Variants in ERBB4 observed in about 807,000 individuals in gnomAD.
ERBB4 encodes the protein erb-b2 receptor tyrosine kinase 4, also known as receptor tyrosine-protein kinase erbB-4.
In ERBB4, 42 loss-of-function variants were observed where a neutral mutation model predicts 158.0. That is an observed-to-expected ratio of 0.27 (90% CI 0.21 to 0.34). The LOEUF (loss-of-function observed/expected upper bound fraction) is 0.34, where lower values mean the gene tolerates loss of function less well. Ranked by LOEUF, ERBB4 falls within the 10% of genes least tolerant of loss-of-function variation. The pLI, the probability that ERBB4 is intolerant of heterozygous loss-of-function variation, is 1.00. For missense variants in ERBB4, 1,333 were observed against 1,624.1 expected (o/e 0.82, Z 3.08); for synonymous variants, 583 against 558.7 (o/e 1.04, Z -0.61).
chr2:211,660,503 CAAG>C (rs2071383164), intron 15 of ERBB4, among the ~76,000 whole-genome samples: 1 of 152,142 alleles, frequency 6.6e-6, no homozygotes, highest in South Asian at 2.1e-4. Flanking sequence ...TGAGAGAATC[CAAG>C]AAGATGAATA....
In ERBB4 at chr2:211,725,374, TATTTC is replaced by T. The variant is rs138017249; in HGVS notation, c.623-185_623-181del. Among the ~76,000 whole-genome samples, 766 of 152,290 alleles carry T rather than the reference TATTTC, an allele frequency of 5.0e-3. 1 individual carries two copies. Among genetic ancestry groups the T allele is most frequent in the African/African-American group, 0.017 (714 of 41,552 alleles). On this transcript the variant is annotated intron_variant, in intron 5 of 27. Coordinates refer to ENST00000342788, the MANE Select transcript of ERBB4 (RefSeq NM_005235.3). ...AAAATCTCCAAAATTAATTTATAAT[TATTTC>T]ATTTTTATATTCTTTCTTGTTTCAG...
chr2:211,501,676 A>G (rs557120978), intron 20 of ERBB4, among the ~76,000 whole-genome samples: 1 of 152,212 alleles, frequency 6.6e-6, no homozygotes, highest in Non-Finnish European at 1.5e-5. Flanking sequence ...CAAAATTACA[A>G]TGCATATAAC....
At chr2:212,079,075 A>G (rs901294111) in intron 2 of ERBB4, among the ~76,000 whole-genome samples, 1 of 150,910 alleles carries the variant, frequency 6.6e-6, no homozygotes, top group Non-Finnish European at 1.5e-5. Flanking sequence ...ATTATTGATA[A>G]TCCATTGTAT....
chr2:211,605,445 C>G (rs2068946193), intron 19 of ERBB4, among the ~76,000 whole-genome samples: 1 of 152,114 alleles, frequency 6.6e-6, no homozygotes, highest in South Asian at 2.1e-4. Flanking sequence ...CACTGTGCAT[C>G]TCATTGCAAC....
intron 3 of ERBB4, among the ~76,000 whole-genome samples, chr2:211,860,622 C>T (rs1295616574): frequency 1.3e-5 from 2 of 151,890 alleles, no homozygotes; most frequent in East Asian, 3.9e-4. Context: ...CTTGCTAGTA[C>T]AATTAAAGTT....
chr2:212,324,936 AT>A (rs2087755098), intron 1 of ERBB4, among the ~76,000 whole-genome samples: 1 of 150,498 alleles, frequency 6.6e-6, no homozygotes, highest in Non-Finnish European at 1.5e-5. Flanking sequence ...ACAAGTCACG[AT>A]TATACAGTTT....
intron 1 of ERBB4, among the ~76,000 whole-genome samples, chr2:212,446,476 T>G (rs919594041): frequency 3.4e-5 from 5 of 148,340 alleles, no homozygotes; most frequent in Admixed American, 6.8e-5. Context: ...GAACTCCACG[T>G]TCTTCAGTTT....
At chr2:212,516,287 T>C (rs1237916364) in intron 1 of ERBB4, among the ~76,000 whole-genome samples, 3 of 152,032 alleles carry the variant, frequency 2.0e-5, no homozygotes, top group Admixed American at 6.6e-5. Flanking sequence ...TTTCTCAATA[T>C]TTCTGAAATA....
chr2:211,906,657 A>G (rs1002241843), intron 3 of ERBB4, among the ~76,000 whole-genome samples: 1 of 151,466 alleles, frequency 6.6e-6, no homozygotes, highest in Non-Finnish European at 1.5e-5. Flanking sequence ...CTAGGTACTA[A>G]GCCTAGTACC....
chr2:212,009,853 C>A (rs1027951273), intron 2 of ERBB4, among the ~76,000 whole-genome samples: 3 of 152,162 alleles, frequency 2.0e-5, no homozygotes, highest in African/African-American at 7.2e-5. Flanking sequence ...ATCCTCCCAC[C>A]TGTCTGTACT....
Position 211,377,344 on chromosome 2 carries a change from A to G in ERBB4, c.*6271T>C. ...GCAGTAAAGGCAAAGTGGTTTGGAC[A>G]AGTTAGACTATTGCCTACAGGTATG... On this transcript the variant is annotated 3_prime_UTR_variant, in exon 28 of 28. Transcript: ENST00000342788. 4.3e-6 allele frequency: 1 copy of G among 233,206 alleles called. No homozygotes were observed. Among genetic ancestry groups the G allele is most frequent in the Non-Finnish European group, 8.5e-6 (1 of 117,724 alleles). 14.4% of individuals were successfully genotyped at this position (233,206 alleles called of 1,614,324 possible).
chr2:212,039,905 C>T (rs892922501), intron 2 of ERBB4, among the ~76,000 whole-genome samples: 2 of 152,060 alleles, frequency 1.3e-5, no homozygotes, highest in Admixed American at 6.6e-5. Context: ...ACCATAGTCT[C>T]TTGTTTTTAG....
intron 1 of ERBB4, among the ~76,000 whole-genome samples, chr2:212,424,026 TATTA>T (rs2091853995): frequency 6.6e-6 from 1 of 152,192 alleles, no homozygotes; most frequent in African/African-American, 2.4e-5. Context: ...AATCTACAAT[TATTA>T]ATTAATCATA....
chr2:212,166,876 A>G (rs2125661251), intron 1 of ERBB4, among the ~76,000 whole-genome samples: 1 of 152,282 alleles, frequency 6.6e-6, no homozygotes, highest in African/African-American at 2.4e-5. Context: ...TGCTGGGAAA[A>G]CTGGCTAGCC....
chr2:212,474,245 T>C (rs913678521), intron 1 of ERBB4, among the ~76,000 whole-genome samples: 3 of 151,640 alleles, frequency 2.0e-5, no homozygotes, highest in Non-Finnish European at 2.9e-5. Context: ...ATGTCACAAA[T>C]ATGGTACTTT....
chr2:212,014,266 G>A (rs972691673), intron 2 of ERBB4, among the ~76,000 whole-genome samples: 2 of 152,330 alleles, frequency 1.3e-5, no homozygotes, highest in East Asian at 3.9e-4. Flanking sequence ...GATCTCCCCA[G>A]AACAAGTAGG....
intron 4 of ERBB4, among the ~76,000 whole-genome samples, chr2:211,781,804 G>T (rs771664569): frequency 1.7e-4 from 26 of 152,042 alleles, no homozygotes; most frequent in Non-Finnish European, 3.4e-4. Context: ...CAAAAAAAAA[G>T]AAAAACCTAT....
chr2:211,906,369 C>G (rs113136581), intron 3 of ERBB4, among the ~76,000 whole-genome samples: 13 of 152,148 alleles, frequency 8.5e-5, no homozygotes, highest in Non-Finnish European at 1.5e-4. Flanking sequence ...AATTGAGGAA[C>G]ATAGCTCACA....
chr2:211,704,316 T>C (rs1471168699), intron 10 of ERBB4, 122 bp from the exon 11 acceptor site: 3 of 709,932 alleles, frequency 4.2e-6, no homozygotes, highest in Non-Finnish European at 5.2e-6. Flanking sequence ...GTAGTGAACA[T>C]TTCTATTTTT....
Sources: allele counts gnomAD v4.1 joint callset (sites outside exome capture counted in the v4.1 genomes callset), GRCh38; gene constraint gnomAD v4.1.1; transcripts MANE v1.5; gene names NCBI Gene and HGNC (gene_info 2026-07-23, HGNC 2026-07-21).